The following STPG2 variants were observed in gnomAD, a reference collection of about 807,000 sequenced individuals.
STPG2 encodes the protein sperm tail PG-rich repeat containing 2.
In STPG2, 56 loss-of-function variants were observed where a neutral mutation model predicts 54.2. That is an observed-to-expected ratio of 1.03 (90% CI 0.83 to 1.29). The LOEUF (loss-of-function observed/expected upper bound fraction) is 1.29. STPG2 is among the 50% of genes most tolerant of loss of function. The pLI is 0.00. For missense variants in STPG2, 596 were observed against 544.9 expected (o/e 1.09, Z -0.93); for synonymous variants, 200 against 181.8 (o/e 1.10, Z -0.81).
chr4:98,141,606 A>T (rs1740284133), intron 1 of STPG2, among the ~76,000 whole-genome samples: 1 of 152,178 alleles, frequency 6.6e-6, no homozygotes, highest in South Asian at 2.1e-4. Flanking sequence ...TTCTGAACAA[A>T]GCCAATGTAT....
At chr4:98,038,990 G>T (rs1420837964) in intron 5 of STPG2, among the ~76,000 whole-genome samples, 1 of 152,000 alleles carries the variant, frequency 6.6e-6, no homozygotes, top group South Asian at 2.1e-4. Flanking sequence ...ACTAAGTGTT[G>T]ATGAGGATTG....
intron 9 of STPG2, among the ~76,000 whole-genome samples, chr4:97,793,081 G>C (rs999953059): frequency 6.6e-6 from 1 of 151,976 alleles, no homozygotes; most frequent in East Asian, 1.9e-4. Context: ...TGGAACCTGG[G>C]AGACAGAGGT....
intron 8 of STPG2, among the ~76,000 whole-genome samples, chr4:97,924,593 G>A (rs1220375021): frequency 1.3e-5 from 2 of 152,138 alleles, no homozygotes; most frequent in Non-Finnish European, 1.5e-5. Context: ...TTTGAAAAGG[G>A]ATATGAGTTC....
chr4:97,939,597 T>C (rs1472378635), intron 8 of STPG2, among the ~76,000 whole-genome samples: 1 of 152,212 alleles, frequency 6.6e-6, no homozygotes, highest in East Asian at 1.9e-4. Context: ...GTGAAATCTG[T>C]TTTGTCTGAA....
chr4:97,879,610 TC>T (rs1239193558), intron 8 of STPG2, among the ~76,000 whole-genome samples: 1 of 151,820 alleles, frequency 6.6e-6, no homozygotes, highest in African/African-American at 2.4e-5. Context: ...TCTTACCAGG[TC>T]CCCCCTGCAA....
intron 10 of STPG2, among the ~76,000 whole-genome samples, chr4:97,682,541 T>C (rs1473791994): frequency 6.6e-6 from 1 of 151,810 alleles, no homozygotes; most frequent in East Asian, 1.9e-4. Context: ...TTGACCCAAA[T>C]ATTTCTCTTT....
intron 9 of STPG2, among the ~76,000 whole-genome samples, chr4:97,796,860 T>G (rs1727201924): frequency 6.6e-6 from 1 of 152,198 alleles, no homozygotes; most frequent in Non-Finnish European, 1.5e-5. Flanking sequence ...TTATGTCCTC[T>G]TTTATTTCGT....
At chr4:97,866,170 A>G (rs963684533) in intron 8 of STPG2, among the ~76,000 whole-genome samples, 1 of 151,962 alleles carries the variant, frequency 6.6e-6, no homozygotes, top group African/African-American at 2.4e-5. Context: ...AATAAGATCT[A>G]TAATAGTATT....
At chr4:97,729,069 C>CTCTCTCTCTCTCTCTT (rs1724714308) in intron 9 of STPG2, among the ~76,000 whole-genome samples, 1 of 142,610 alleles carries the variant, frequency 7.0e-6, no homozygotes. Flanking sequence ...GAATTTCTCT[C>CTCTCTCTCTCTCTCTT]TCTCTCTCTC....
chr4:98,122,822 C>T (rs7657490), intron 3 of STPG2, among the ~76,000 whole-genome samples: 60,066 of 151,726 alleles, frequency 0.4, 12,126 homozygotes, highest in Middle Eastern at 0.46. Flanking sequence ...GGGCTTTTTT[C>T]GGTTGGTAGG....
intron 9 of STPG2, among the ~76,000 whole-genome samples, chr4:97,835,278 C>T (rs1020016754): frequency 2.0e-5 from 3 of 152,108 alleles, no homozygotes; most frequent in African/African-American, 7.2e-5. Flanking sequence ...ATGGCAATGT[C>T]ATAAAGTTAT....
chr4:97,985,670 T>C (rs753390460), intron 5 of STPG2, among the ~76,000 whole-genome samples: 1 of 152,192 alleles, frequency 6.6e-6, no homozygotes, highest in Non-Finnish European at 1.5e-5. Context: ...CAGGTTATCC[T>C]GTTTAAACTC....
At chr4:97,643,113 G>C (rs185190245) in intron 10 of STPG2, among the ~76,000 whole-genome samples, 1 of 151,460 alleles carries the variant, frequency 6.6e-6, no homozygotes, top group Non-Finnish European at 1.5e-5. Flanking sequence ...TTATATAACA[G>C]ACATTTACTG....
chr4:97,880,688 AC>A (rs1730337068), intron 8 of STPG2, among the ~76,000 whole-genome samples: 1 of 152,140 alleles, frequency 6.6e-6, no homozygotes, highest in Non-Finnish European at 1.5e-5. Flanking sequence ...AATACAAATT[AC>A]CCACTTCAGC....
At chr4:97,554,671 A>G (rs529949031), downstream of STPG2, among the ~76,000 whole-genome samples, 7 of 152,326 alleles carry the variant, frequency 4.6e-5, no homozygotes, top group South Asian at 1.0e-3. Flanking sequence ...TGTTTTCTAA[A>G]CTTCAGGAAT....
At chr4:97,659,809 C>T (rs72892815) in intron 10 of STPG2, among the ~76,000 whole-genome samples, 1 of 152,224 alleles carries the variant, frequency 6.6e-6, no homozygotes, top group African/African-American at 2.4e-5. Flanking sequence ...GCTTAGCTGA[C>T]CTGGTGGACA....
chr4:97,850,743 T>C (rs1249339832), intron 8 of STPG2, among the ~76,000 whole-genome samples: 2 of 152,158 alleles, frequency 1.3e-5, no homozygotes, highest in Admixed American at 1.3e-4. Flanking sequence ...TTCTTTGCAT[T>C]GGTTAAAACT....
intron 10 of STPG2, among the ~76,000 whole-genome samples, chr4:97,693,206 A>G (rs1723435785): frequency 6.6e-6 from 1 of 152,276 alleles, no homozygotes; most frequent in Admixed American, 6.5e-5. Context: ...TCACATGTCA[A>G]TACTAACATT....
chr4:97,937,191 A>G (rs1732777966), intron 8 of STPG2, among the ~76,000 whole-genome samples: 1 of 151,826 alleles, frequency 6.6e-6, no homozygotes, highest in African/African-American at 2.4e-5. Flanking sequence ...TTGTGTTTGC[A>G]TTATAAAGTT....
Sources: allele counts gnomAD v4.1 joint callset (sites outside exome capture counted in the v4.1 genomes callset), GRCh38; gene constraint gnomAD v4.1.1; transcripts MANE v1.5; gene names NCBI Gene and HGNC (gene_info 2026-07-23, HGNC 2026-07-21).